The following TMEM63C variants were observed in gnomAD, a reference collection of about 807,000 sequenced individuals.
TMEM63C encodes the protein osmosensitive cation channel TMEM63C.
A neutral mutation model predicts 99.2 loss-of-function variants in TMEM63C; 32 were observed. The observed-to-expected ratio is 0.32, with a 90% CI of 0.24 to 0.43. The LOEUF is 0.43. Among genes scored for constraint, TMEM63C ranks in the 20% least tolerant of loss-of-function variants. The probability of loss-of-function intolerance (pLI) is 1.00; values close to 1 mark genes in which losing one functional copy is unlikely to be tolerated. For missense variants in TMEM63C, 826 were observed against 1,053.0 expected (o/e 0.78, Z 2.98); for synonymous variants, 376 against 397.9 (o/e 0.94, Z 0.66).
intron 6 of TMEM63C, among the ~76,000 whole-genome samples, chr14:77,226,123 C>T (rs387993): frequency 0.18 from 26,997 of 152,214 alleles, 2,658 homozygotes; most frequent in Non-Finnish European, 0.22. Flanking sequence ...CATACATACA[C>T]GCACACACAC....
At chr14:77,241,496 T>G (rs911490378) in intron 13 of TMEM63C, among the ~76,000 whole-genome samples, 3 of 151,730 alleles carry the variant, frequency 2.0e-5, no homozygotes, top group Non-Finnish European at 1.5e-5. Context: ...TTAAGAACTG[T>G]GGGGGGCAGG....
chr14:77,244,779 C>T (rs1043692371), intron 16 of TMEM63C, among the ~76,000 whole-genome samples: 1 of 152,222 alleles, frequency 6.6e-6, no homozygotes, highest in Non-Finnish European at 1.5e-5. Flanking sequence ...ATGAGCTAGG[C>T]AGTCCCAGGC....
intron 1 of TMEM63C, among the ~76,000 whole-genome samples, chr14:77,194,558 T>TTTCTTTCTTTCTGG (rs1888182564): frequency 3.4e-5 from 3 of 89,332 alleles, no homozygotes; most frequent in Admixed American, 1.1e-4. Flanking sequence ...TCTTTCTCTT[T>TTTCTTTCTTTCTGG]CTTTCTTTCT....
intron 1 of TMEM63C, among the ~76,000 whole-genome samples, chr14:77,210,190 G>A (rs1303302853): frequency 1.3e-5 from 2 of 152,198 alleles, no homozygotes; most frequent in East Asian, 3.9e-4. Context: ...CACAATAATT[G>A]GAGATTCTCA....
At chr14:77,225,126 CAGAG>C (rs1335938513) in intron 5 of TMEM63C, among the ~76,000 whole-genome samples, 2 of 152,208 alleles carry the variant, frequency 1.3e-5, no homozygotes, top group Admixed American at 6.5e-5. Context: ...GAAGGACAGA[CAGAG>C]AGCAACAGAC....
At position 77,223,504 on chromosome 14, in the gene TMEM63C, A is replaced by T. The variant is rs558769237; in HGVS notation, c.313-1920A>T. The stretch of plus-strand genomic sequence containing the variant: ...TAGGTGAAGTGAACTGACAGCTGTC[A>T]CTCTGTCACGTCAGCTGAGCTGGCT... On this transcript the variant is annotated intron_variant, in intron 5 of 23. Coordinates refer to ENST00000298351, the MANE Select transcript of TMEM63C (RefSeq NM_020431.4). 1.7e-3 allele frequency among the ~76,000 whole-genome samples: 258 copies of T among 152,156 alleles called. 1 individual carries two copies. The highest frequency in any genetic ancestry group is 6.1e-3 in the African/African-American group (253 of 41,480).
chr14:77,210,683 G>A (rs1888480888), intron 1 of TMEM63C, among the ~76,000 whole-genome samples: 1 of 152,196 alleles, frequency 6.6e-6, no homozygotes, highest in Admixed American at 6.5e-5. Context: ...AGGAGACCTG[G>A]AGAAGAAGGA....
intron 1 of TMEM63C, among the ~76,000 whole-genome samples, chr14:77,197,330 G>A (rs1031111283): frequency 6.6e-6 from 1 of 152,224 alleles, no homozygotes; most frequent in Non-Finnish European, 1.5e-5. Context: ...AGGGCAGGGA[G>A]CCTTAGCCAC....
intron 8 of TMEM63C, among the ~76,000 whole-genome samples, 183 bp from the exon 9 acceptor site, chr14:77,236,441 G>GA (rs1889062382): frequency 2.1e-5 from 1 of 47,572 alleles, no homozygotes; most frequent in Non-Finnish European, 4.8e-5. Context: ...ATGGGTGGGG[G>GA]TGGGGGATAC....
At chr14:77,194,600 G>A (rs1011375507) in intron 1 of TMEM63C, among the ~76,000 whole-genome samples, 1 of 108,286 alleles carries the variant, frequency 9.2e-6, no homozygotes, top group African/African-American at 3.5e-5. Flanking sequence ...TGGAGACAGG[G>A]TCTTGCTCTG....
chr14:77,205,201 A>T (rs753926178), intron 1 of TMEM63C, among the ~76,000 whole-genome samples: 1 of 152,218 alleles, frequency 6.6e-6, no homozygotes, highest in Non-Finnish European at 1.5e-5. Context: ...GAAGTTTGAC[A>T]TGATGAAGCC....
chr14:77,194,557 T>TTCTTTCTG (rs56126959), intron 1 of TMEM63C, among the ~76,000 whole-genome samples: 25,853 of 118,442 alleles, frequency 0.22, 4,364 homozygotes, highest in Middle Eastern at 0.29. Flanking sequence ...TTCTTTCTCT[T>TTCTTTCTG]TCTTTCTTTC....
At position 77,233,185 on chromosome 14, in the gene TMEM63C, G is replaced by A. The variant is rs548095467; in HGVS notation, c.494-267G>A. Among the ~76,000 whole-genome samples, 3 of 152,278 alleles carry A rather than the reference G, an allele frequency of 2.0e-5. No individual in the cohort carries two copies. The South Asian group carries it at 6.2e-4, about 32-fold the overall frequency. ...TGCCTCCAACAAGCATTCACTGGGT[G>A]TCCATTATGTGCCAATTATGCCCTG... On this transcript the variant is annotated intron_variant, in intron 7 of 23. Transcript: ENST00000298351.
intron 1 of TMEM63C, among the ~76,000 whole-genome samples, chr14:77,186,809 G>GTGTC (rs1888006710): frequency 1.3e-5 from 2 of 149,796 alleles, no homozygotes; most frequent in Admixed American, 6.6e-5. Flanking sequence ...GTCTGTGTGT[G>GTGTC]TGTGTGTGTG....
chr14:77,225,241 G>C (rs985912051), intron 5 of TMEM63C, among the ~76,000 whole-genome samples, 183 bp from the exon 6 acceptor site: 2 of 152,196 alleles, frequency 1.3e-5, no homozygotes, highest in African/African-American at 4.8e-5. Flanking sequence ...CTCATTTCCA[G>C]GGAAGCATCT....
chr14:77,238,718 T>A lies in TMEM63C; in HGVS notation c.676T>A (p.Tyr226Asn). 6.2e-7 allele frequency: 1 copy of A among 1,613,954 alleles called. No individual in the cohort carries two copies. Residue 226 changes from tyrosine to asparagine, a missense_variant, in exon 10 of 24, where the codon TAT becomes AAT. Transcript: ENST00000298351. Reference protein sequence around the residue: ...QKVTRTLMITYVPKDIEDPEL... With the variant: ...QKVTRTLMITNVPKDIEDPEL... ...GGTCACAAGGACACTAATGATCACC[T>A]ATGTGCCCAAGGACATTGAAGACCC... is the stretch of plus-strand genomic sequence containing the variant.
At chr14:77,194,554 TC>T in intron 1 of TMEM63C, among the ~76,000 whole-genome samples, 1 of 272 alleles carries the variant, frequency 3.7e-3, no homozygotes, top group African/African-American at 5.2e-3. Context: ...TCTTTCTTTC[TC>T]TTTCTTTCTT....
intron 1 of TMEM63C, among the ~76,000 whole-genome samples, chr14:77,191,861 A>G (rs1419097389): frequency 6.6e-6 from 1 of 152,098 alleles, no homozygotes; most frequent in Non-Finnish European, 1.5e-5. Context: ...CCATTTTCTT[A>G]GTGATATTCT....
At chr14:77,227,858 T>C (rs879108738) in intron 6 of TMEM63C, among the ~76,000 whole-genome samples, 1 of 152,054 alleles carries the variant, frequency 6.6e-6, no homozygotes, top group African/African-American at 2.4e-5. Flanking sequence ...AAGGTCACCT[T>C]TTTCCAGAGG....
Sources: gnomAD v4.1 joint callset for allele counts (sites outside exome capture counted in the v4.1 genomes callset) on GRCh38, gnomAD v4.1.1 for gene constraint, MANE v1.5 for transcripts, NCBI Gene and HGNC (gene_info 2026-07-23, HGNC 2026-07-21) for gene names.